The following CRACD variants were observed in gnomAD, a reference collection of about 807,000 sequenced individuals.
CRACD encodes capping protein inhibiting regulator of actin dynamics, also known as capping protein-inhibiting regulator of actin dynamics.
CRACD carries 56 observed loss-of-function variants against 106.8 expected under a neutral mutation model. The observed-to-expected ratio is 0.52, with a 90% CI of 0.42 to 0.66. CRACD has a LOEUF of 0.66. Ranked by LOEUF, CRACD falls within the 30% of genes least tolerant of loss-of-function variation. CRACD has a pLI of 0.00. For synonymous variants in CRACD, 754 were observed against 670.8 expected, an observed-to-expected ratio of 1.12 and a Z score of -1.92; for missense variants, 1,730 against 1,623.2, an observed-to-expected ratio of 1.07 and a Z score of -1.13.
chr4:56,307,801 G>A (rs1013238148), intron 5 of CRACD, 102 bp downstream of exon 5: 2 of 1,208,498 alleles, frequency 1.7e-6, no homozygotes, highest in African/African-American at 3.0e-5. Context: ...AGAGGGAGGA[G>A]CTTTTCTCAT....
intron 2 of CRACD, among the ~76,000 whole-genome samples, chr4:56,264,573 GAACA>G (rs1187143278): frequency 6.6e-6 from 1 of 152,176 alleles, no homozygotes. Context: ...TCAGGGATCT[GAACA>G]AACACACATG....
chr4:56,148,883 T>C (rs537620289), intron 1 of CRACD, among the ~76,000 whole-genome samples: 1 of 151,988 alleles, frequency 6.6e-6, no homozygotes, highest in Admixed American at 6.6e-5. Context: ...TGGCGTGATC[T>C]CGGCTCGCTG....
chr4:56,308,875 A>G, intron 5 of CRACD: 1 of 1,288,864 alleles, frequency 7.8e-7, no homozygotes, highest in Non-Finnish European at 1.0e-6. Flanking sequence ...GTTATTGATG[A>G]GCTCATAAGT....
chr4:56,122,199 C>T (rs1233261147), intron 1 of CRACD, among the ~76,000 whole-genome samples: 1 of 151,644 alleles, frequency 6.6e-6, no homozygotes, highest in East Asian at 1.9e-4. Flanking sequence ...AAAAAAATGT[C>T]CTTGTATTGT....
At position 56,315,666 on chromosome 4, in the gene CRACD, A is replaced by G. The variant is rs990385884; in HGVS notation, c.2164A>G (p.Met722Val). Residue 722 changes from methionine (M) to valine (V), a missense_variant, in exon 8 of 11, where the codon ATG becomes GTG. Met to Val is a conservative substitution (Grantham distance 21). Around this residue, in one of 5 missense-constraint regions of CRACD, gnomAD observed 1,620 missense variants for 1,481.6 expected, o/e 1.09. Coordinates refer to ENST00000682029, the MANE Select transcript of CRACD (RefSeq NM_001393381.1). This position sits in a 1 kb window ranked among gnomAD's most constrained non-coding sequence, Gnocchi z 4.1. The stretch of plus-strand genomic sequence containing the variant: ...GCCAGTCAATGCAAAGTTCTCTATT[A>G]TGCCTGCCTGGCAGAAATTTTCCGA... ...TPPVNAKFSI[M>V]PAWQKFSDGG... 1 of 1,614,212 alleles carries G rather than the reference A, an allele frequency of 6.2e-7. No individual in the cohort carries two copies. The highest frequency in any genetic ancestry group is 1.7e-5 in the Admixed American group (1 of 60,034).
chr4:56,311,013 C>T, intron 6 of CRACD: 2 of 400,472 alleles, frequency 5.0e-6, no homozygotes, highest in Non-Finnish European at 9.1e-6. Flanking sequence ...CTCAAAGGAT[C>T]ATGTACTTCA....
chr4:56,191,878 G>A (rs1237327323), intron 2 of CRACD, among the ~76,000 whole-genome samples: 1 of 152,126 alleles, frequency 6.6e-6, no homozygotes, highest in African/African-American at 2.4e-5. Flanking sequence ...GACCAGTAAA[G>A]GCTTTCTTGT....
chr4:56,127,824 T>C (rs1283078917), intron 1 of CRACD, among the ~76,000 whole-genome samples: 3 of 152,200 alleles, frequency 2.0e-5, no homozygotes, highest in Admixed American at 6.5e-5. Flanking sequence ...CAGCACACCA[T>C]TGTGACCTTC....
intron 2 of CRACD, among the ~76,000 whole-genome samples, chr4:56,261,921 G>T (rs1741732201): frequency 6.6e-6 from 1 of 152,076 alleles, no homozygotes; most frequent in Non-Finnish European, 1.5e-5. Context: ...TATATGCATT[G>T]CTAAAAATCC....
chr4:56,189,009 C>A (rs188028849), intron 2 of CRACD, among the ~76,000 whole-genome samples: 132 of 152,208 alleles, frequency 8.7e-4, no homozygotes, highest in African/African-American at 3.1e-3. Context: ...CAAGGTGAAA[C>A]CCCATGTCTA....
intron 1 of CRACD, among the ~76,000 whole-genome samples, chr4:56,108,712 T>A (rs1577966906): frequency 6.6e-6 from 1 of 152,174 alleles, no homozygotes; most frequent in East Asian, 1.9e-4. Context: ...AGTCATGTGA[T>A]CATGGGACAG....
intron 1 of CRACD, among the ~76,000 whole-genome samples, chr4:56,101,360 T>C (rs1733770717): frequency 6.6e-6 from 1 of 152,176 alleles, no homozygotes; most frequent in African/African-American, 2.4e-5. Context: ...ATTAAAATAT[T>C]ATAAATTAAG....
intron 1 of CRACD, among the ~76,000 whole-genome samples, chr4:56,055,034 T>C (rs1054735074): frequency 3.3e-5 from 5 of 152,184 alleles, no homozygotes; most frequent in African/African-American, 4.8e-5. Context: ...CTTTAAAAAA[T>C]ATTTAAATCA....
chr4:56,303,341 T>A (rs7692678), intron 4 of CRACD, among the ~76,000 whole-genome samples: 70,025 of 149,434 alleles, frequency 0.47, 17,268 homozygotes, highest in East Asian at 0.88. Flanking sequence ...GCGAGACTCC[T>A]TTGTAGGAAA....
At chr4:56,250,148 T>G (rs17086531) in intron 2 of CRACD, among the ~76,000 whole-genome samples, 3,584 of 152,276 alleles carry the variant, frequency 0.024, 64 homozygotes, top group South Asian at 0.1. Flanking sequence ...ACGTTTTGAT[T>G]CTCTATATTC....
chr4:56,311,145 CT>C (rs1175859923), intron 6 of CRACD: 1 of 171,434 alleles, frequency 5.8e-6, no homozygotes, highest in African/African-American at 2.4e-5. Flanking sequence ...CATTTCTCTA[CT>C]TTTATGTTGT....
chr4:56,179,247 A>T (rs1323553061), intron 1 of CRACD, 37 bp from the exon 2 acceptor site: 2 of 151,274 alleles, frequency 1.3e-5, no homozygotes, highest in African/African-American at 2.4e-5. Flanking sequence ...AGGATTGAAG[A>T]CATAAAGTTC....
intron 2 of CRACD, among the ~76,000 whole-genome samples, chr4:56,233,136 A>G (rs866729294): frequency 2.0e-5 from 3 of 152,198 alleles, no homozygotes; most frequent in South Asian, 4.1e-4. Flanking sequence ...TTATTTACTT[A>G]TATTAAGTTG....
chr4:56,233,415 T>G (rs1001545026), intron 2 of CRACD, among the ~76,000 whole-genome samples: 8 of 149,382 alleles, frequency 5.4e-5, no homozygotes, highest in Middle Eastern at 3.4e-3. Context: ...GAATATACAG[T>G]TTTTTTTTTA....
Sources: allele counts gnomAD v4.1 joint callset (sites outside exome capture counted in the v4.1 genomes callset), GRCh38; gene constraint gnomAD v4.1.1; regional missense constraint gnomAD v4.1.1; non-coding constraint Gnocchi (gnomAD v3.1); transcripts MANE v1.5; gene names NCBI Gene and HGNC (gene_info 2026-07-23, HGNC 2026-07-21).